Variants in TENM3 observed in about 807,000 individuals in gnomAD.
The protein encoded by TENM3 is teneurin-3.
TENM3 carries 63 observed loss-of-function variants against 255.1 expected under a neutral mutation model. The observed-to-expected ratio is 0.25, with a 90% CI of 0.20 to 0.30. The LOEUF is 0.30. TENM3 is among the 10% of genes least tolerant of loss of function. TENM3 has a pLI of 1.00. For missense variants in TENM3, 2,929 were observed against 3,461.1 expected (o/e 0.85, Z 3.86); for synonymous variants, 1,306 against 1,322.3 (o/e 0.99, Z 0.27).
chr4:181,758,285 G>A, the TENM3 span, among the ~76,000 whole-genome samples: 4 of 152,218 alleles, frequency 2.6e-5, no homozygotes, highest in East Asian at 1.9e-4. Context: ...ACAGTTAAAA[G>A]TTTTTGCACA....
chr4:181,507,577 G>A, the TENM3 span, among the ~76,000 whole-genome samples: 4 of 152,204 alleles, frequency 2.6e-5, no homozygotes, highest in Admixed American at 6.5e-5. Context: ...CCTGTGGAAA[G>A]GTGGCCCTTG....
chr4:182,621,216 G>C (rs1329030344), intron 4 of TENM3, among the ~76,000 whole-genome samples: 1 of 151,330 alleles, frequency 6.6e-6, no homozygotes, highest in Non-Finnish European at 1.5e-5. Flanking sequence ...AGGTCCCACT[G>C]TATTGCCCAG....
intron 2 of TENM3, among the ~76,000 whole-genome samples, chr4:182,326,234 A>G (rs1173621918): frequency 1.3e-5 from 2 of 152,216 alleles, no homozygotes; most frequent in African/African-American, 4.8e-5. Context: ...ATGGACTGCT[A>G]GTTACAGCTA....
intron 3 of TENM3, among the ~76,000 whole-genome samples, chr4:182,398,079 C>T (rs111690345): frequency 5.1e-4 from 77 of 152,210 alleles, no homozygotes; most frequent in African/African-American, 1.7e-3. Flanking sequence ...AATAGAAATT[C>T]AAATAAGGGG....
chr4:182,689,177 A>G (rs1220727251), intron 12 of TENM3, among the ~76,000 whole-genome samples: 1 of 152,226 alleles, frequency 6.6e-6, no homozygotes, highest in East Asian at 1.9e-4. Context: ...AGTATTAATT[A>G]TAAGTGGCAC....
rs757659364 is a variant in TENM3, at chr4:182,793,917, A to C, written c.7213+32A>C. 22 of 1,542,484 alleles carry C rather than the reference A, an allele frequency of 1.4e-5. No individual in the cohort carries two copies. The African/African-American group carries it at 2.8e-4, about 19-fold the overall frequency. ...ATTTTGATTCCTTCCCAAGAGCTGG[A>C]GGACTACCATCATTAGATTAATACA... On this transcript the variant is annotated intron_variant, in intron 26 of 27. Transcript: ENST00000511685. The surrounding 1 kb of genome is among the most constrained non-coding windows in gnomAD (Gnocchi z 5.7).
chr4:182,716,058 T>C (rs1466418688), intron 13 of TENM3, among the ~76,000 whole-genome samples: 1 of 152,202 alleles, frequency 6.6e-6, no homozygotes, highest in African/African-American at 2.4e-5. Flanking sequence ...TTTATAGACA[T>C]GGCAGCATTA....
At chr4:182,364,215 A>G (rs1012429966) in intron 3 of TENM3, among the ~76,000 whole-genome samples, 2 of 152,022 alleles carry the variant, frequency 1.3e-5, no homozygotes, top group African/African-American at 2.4e-5. Context: ...TTAAGAATAA[A>G]TCATTTGAGT....
chr4:182,770,839 G>GC (rs1764145709), intron 22 of TENM3, among the ~76,000 whole-genome samples: 1 of 152,202 alleles, frequency 6.6e-6, no homozygotes, highest in Admixed American at 6.5e-5. Flanking sequence ...TTAGATAGGA[G>GC]CTCTGAGGAC....
intron 1 of TENM3, among the ~76,000 whole-genome samples, chr4:182,295,843 G>T (rs143066635): frequency 1.3e-5 from 2 of 152,154 alleles, no homozygotes; most frequent in Non-Finnish European, 2.9e-5. Flanking sequence ...TGTTTACCAC[G>T]TATATTTTAG....
the TENM3 span, among the ~76,000 whole-genome samples, chr4:181,944,046 CT>C: frequency 6.6e-6 from 1 of 152,088 alleles, no homozygotes; most frequent in Non-Finnish European, 1.5e-5. Context: ...TGTACAAGTC[CT>C]TTTTGTCTCT....
the TENM3 span, among the ~76,000 whole-genome samples, chr4:181,786,915 G>T: frequency 6.6e-6 from 1 of 152,136 alleles, no homozygotes; most frequent in African/African-American, 2.4e-5. Flanking sequence ...CATAACAAAA[G>T]CACACGGGGA....
At chr4:182,071,890 G>T in the TENM3 span, among the ~76,000 whole-genome samples, 1 of 151,934 alleles carries the variant, frequency 6.6e-6, no homozygotes, top group Non-Finnish European at 1.5e-5. Context: ...TATGGCTACA[G>T]AAACCTAACA....
intron 3 of TENM3, among the ~76,000 whole-genome samples, chr4:182,444,652 C>A (rs1448770611): frequency 6.6e-6 from 1 of 152,082 alleles, no homozygotes; most frequent in South Asian, 2.1e-4. Context: ...CAGGAGAAAT[C>A]GAGGACTATC....
the TENM3 span, among the ~76,000 whole-genome samples, chr4:181,846,439 T>G: frequency 7.9e-5 from 12 of 152,186 alleles, no homozygotes; most frequent in African/African-American, 2.9e-4. Context: ...CAGGGAAGAC[T>G]GTGGTGACAT....
At chr4:182,655,738 C>T (rs1239062135) in intron 6 of TENM3, among the ~76,000 whole-genome samples, 3 of 152,062 alleles carry the variant, frequency 2.0e-5, no homozygotes, top group Admixed American at 6.6e-5. Flanking sequence ...TAGAAATCTC[C>T]GTAAAGCTGG....
chr4:181,576,191 G>A, the TENM3 span, among the ~76,000 whole-genome samples: 4 of 152,170 alleles, frequency 2.6e-5, no homozygotes, highest in Non-Finnish European at 5.9e-5. Flanking sequence ...ACTTAGAAGT[G>A]AGAATATGCA....
chr4:182,715,895 T>C (rs938105947), intron 13 of TENM3, among the ~76,000 whole-genome samples: 1 of 152,218 alleles, frequency 6.6e-6, no homozygotes, highest in African/African-American at 2.4e-5. Context: ...GTTCACTGTT[T>C]TCTCTTAACT....
At chr4:181,859,727 A>G in the TENM3 span, among the ~76,000 whole-genome samples, 1 of 152,188 alleles carries the variant, frequency 6.6e-6, no homozygotes, top group Non-Finnish European at 1.5e-5. Context: ...ATGCTTTTTA[A>G]AAGCTTGAAT....
Sources: allele counts gnomAD v4.1 joint callset (sites outside exome capture counted in the v4.1 genomes callset), GRCh38; gene constraint gnomAD v4.1.1; non-coding constraint Gnocchi (gnomAD v3.1); transcripts MANE v1.5; gene names NCBI Gene and HGNC (gene_info 2026-07-23, HGNC 2026-07-21).